DNAH6: variants seen among roughly 807,000 people sequenced by gnomAD.
DNAH6 encodes axonemal beta dynein heavy chain 6.
Under a neutral mutation model 491.4 loss-of-function variants are expected in DNAH6, and 340 were observed. The observed-to-expected ratio is 0.69, with a 90% CI of 0.63 to 0.76. The LOEUF (loss-of-function observed/expected upper bound fraction) is 0.76, where lower values mean the gene tolerates loss of function less well. Among genes scored for constraint, DNAH6 ranks in the 30% least tolerant of loss-of-function variants. The pLI is 0.00. For missense variants in DNAH6, 4,443 were observed against 4,972.2 expected (o/e 0.89, Z 3.20); for synonymous variants, 1,603 against 1,686.1 (o/e 0.95, Z 1.21).
intron 52 of DNAH6, among the ~76,000 whole-genome samples, chr2:84,706,682 G>T (rs946974171): frequency 6.6e-6 from 1 of 151,978 alleles, no homozygotes; most frequent in Non-Finnish European, 1.5e-5. Flanking sequence ...GATTTATTTT[G>T]TTGGGCTTTA....
At chr2:84,521,440 A>T (rs112041292) in intron 2 of DNAH6, among the ~76,000 whole-genome samples, 2 of 151,840 alleles carry the variant, frequency 1.3e-5, no homozygotes, top group African/African-American at 4.8e-5. Context: ...CACTCTGTTG[A>T]TAGTTTCTTT....
At chr2:84,649,134 A>G (rs1228825848) in intron 33 of DNAH6, among the ~76,000 whole-genome samples, 2 of 152,228 alleles carry the variant, frequency 1.3e-5, no homozygotes, top group African/African-American at 4.8e-5. Flanking sequence ...CATTTTTTAG[A>G]CATAATGCTA....
intron 4 of DNAH6, among the ~76,000 whole-genome samples, chr2:84,540,367 G>C (rs189444328): frequency 7.9e-5 from 12 of 152,292 alleles, no homozygotes; most frequent in African/African-American, 2.6e-4. Flanking sequence ...GGCTATTCAA[G>C]GTTCTTGAGC....
intron 64 of DNAH6, among the ~76,000 whole-genome samples, chr2:84,763,327 G>T (rs1674765066): frequency 6.6e-6 from 1 of 151,964 alleles, no homozygotes; most frequent in South Asian, 2.1e-4. Context: ...TCTTTTTCAT[G>T]AGTCTTCACT....
At chr2:84,655,042 A>G (rs932327828) in intron 35 of DNAH6, among the ~76,000 whole-genome samples, 2 of 152,010 alleles carry the variant, frequency 1.3e-5, no homozygotes, top group Non-Finnish European at 2.9e-5. Context: ...GCTTCTCCCC[A>G]GACTAGAAAC....
In DNAH6 at chr2:84,779,819, C is replaced by T. The variant is rs185255552; in HGVS notation, c.10704-1674C>T. ...GAGCTCTTTTATGAATCTTTTGTAA[C>T]GCTAGTCTAGTGGTAAAGAATTGCC... On this transcript the variant is annotated intron_variant, in intron 64 of 76. Transcript: ENST00000389394. 3.0e-3 allele frequency among the ~76,000 whole-genome samples: 451 copies of T among 152,074 alleles called. 7 individuals are homozygous for T. The highest frequency in any genetic ancestry group is 6.8e-4 in the Non-Finnish European group (46 of 67,972).
intron 66 of DNAH6, 121 bp downstream of exon 66, chr2:84,784,931 G>A (rs980363815): frequency 2.9e-5 from 20 of 678,932 alleles, no homozygotes; most frequent in Middle Eastern, 4.9e-4. Context: ...CCAGCATGGG[G>A]AGGTGAAGTC....
chr2:84,683,326 A>G (rs1693968283), intron 42 of DNAH6, among the ~76,000 whole-genome samples: 2 of 151,760 alleles, frequency 1.3e-5, no homozygotes, highest in African/African-American at 2.4e-5. Context: ...CTGATTTTGT[A>G]TACAAGGACA....
intron 62 of DNAH6, 128 bp from the exon 63 acceptor site, chr2:84,744,952 G>A (rs1672825948): frequency 1.9e-6 from 1 of 523,024 alleles, no homozygotes; most frequent in Non-Finnish European, 3.2e-6. Flanking sequence ...GGAGACTGAT[G>A]TATTTATAGT....
At chr2:84,773,034 C>A (rs1050098851) in intron 64 of DNAH6, among the ~76,000 whole-genome samples, 1 of 152,014 alleles carries the variant, frequency 6.6e-6, no homozygotes, top group Non-Finnish European at 1.5e-5. Flanking sequence ...AAATGATACA[C>A]TTTTAAGAAA....
chr2:84,671,511 C>T (rs1462751550), intron 39 of DNAH6, among the ~76,000 whole-genome samples: 1 of 152,210 alleles, frequency 6.6e-6, no homozygotes, highest in African/African-American at 2.4e-5. Context: ...AATGGTGCTG[C>T]CAGCTGCTTC....
chr2:84,486,895 A>G, the DNAH6 span, among the ~76,000 whole-genome samples: 2 of 152,196 alleles, frequency 1.3e-5, no homozygotes, highest in South Asian at 4.1e-4. Context: ...TCACTTGTTC[A>G]TTCAACAAAT....
intron 64 of DNAH6, among the ~76,000 whole-genome samples, chr2:84,775,021 G>A (rs1675990070): frequency 6.6e-6 from 1 of 151,944 alleles, no homozygotes; most frequent in Non-Finnish European, 1.5e-5. Context: ...TGATTGCTTT[G>A]GCTATGATTT....
intron 35 of DNAH6, among the ~76,000 whole-genome samples, chr2:84,655,046 T>C (rs1025472396): frequency 1.3e-5 from 2 of 152,014 alleles, no homozygotes; most frequent in African/African-American, 4.8e-5. Flanking sequence ...CTCCCCAGAC[T>C]AGAAACACAA....
the DNAH6 span, among the ~76,000 whole-genome samples, chr2:84,488,282 A>C: frequency 6.6e-5 from 10 of 152,164 alleles, no homozygotes; most frequent in African/African-American, 2.4e-4. Flanking sequence ...CAGAAATCTA[A>C]AAGTTAGTGG....
intron 64 of DNAH6, among the ~76,000 whole-genome samples, chr2:84,763,516 G>C (rs936440144): frequency 2.0e-5 from 3 of 151,992 alleles, no homozygotes; most frequent in African/African-American, 7.3e-5. Context: ...AGGTAAAAAA[G>C]TATGCAAGAC....
the DNAH6 span, among the ~76,000 whole-genome samples, chr2:84,483,437 AAGAC>A: frequency 6.6e-6 from 1 of 152,166 alleles, no homozygotes; most frequent in Non-Finnish European, 1.5e-5. Flanking sequence ...GAATGCCATA[AAGAC>A]AGACAGTGTT....
chr2:84,528,866 AG>A (rs1676867640), intron 3 of DNAH6, 37 bp from the exon 4 acceptor site: 1 of 1,430,150 alleles, frequency 7.0e-7, no homozygotes, highest in South Asian at 1.3e-5. Context: ...ATGTGTGCAA[AG>A]ACTCATTTTT....
chr2:84,730,861 T>C (rs1252770448), intron 61 of DNAH6, among the ~76,000 whole-genome samples: 2 of 152,192 alleles, frequency 1.3e-5, no homozygotes, highest in African/African-American at 4.8e-5. Flanking sequence ...CTCAGAATTG[T>C]TTATTAGATA....
Sources: gnomAD v4.1 joint callset for allele counts (sites outside exome capture counted in the v4.1 genomes callset) on GRCh38, gnomAD v4.1.1 for gene constraint, MANE v1.5 for transcripts, NCBI Gene and HGNC (gene_info 2026-07-23, HGNC 2026-07-21) for gene names.